Variants in OR10A4 observed in about 807,000 individuals in gnomAD.
OR10A4 encodes olfactory receptor family 10 subfamily A member 4.
Under a neutral mutation model 15.4 loss-of-function variants are expected in OR10A4, and 18 were observed. The ratio of observed to expected loss-of-function variants is 1.17; its 90% CI spans 0.81 to 1.74. OR10A4 has a LOEUF of 1.74. Among genes scored for constraint, OR10A4 ranks in the 40% most tolerant of loss-of-function variants. OR10A4 has a pLI of 0.00. For missense variants in OR10A4, 455 were observed against 372.3 expected (o/e 1.22, Z -1.83); for synonymous variants, 161 against 149.5 (o/e 1.08, Z -0.56).
rs1156251859 is a variant in OR10A4 at position 6,877,459 on chromosome 11, G to C, written c.812G>C (p.Ser271Thr). 1 of 1,614,066 alleles carries C rather than the reference G, an allele frequency of 6.2e-7. No homozygotes were observed. Among genetic ancestry groups the C allele is most frequent in the Non-Finnish European group, 8.5e-7 (1 of 1,179,972 alleles). Reference protein sequence around the residue: ...FRPQSSASSESKKLLSLSSTV... With the variant: ...FRPQSSASSETKKLLSLSSTV... ...CCCCAATCCAGTGCCTCTTCTGAGA[G>C]CAAGAAGCTGCTGTCACTCTCTTCC... Residue 271 changes from serine to threonine, a missense_variant, in exon 1 of 1, where the codon AGC (serine) becomes ACC (threonine). Transcript: ENST00000379829.
rs1216550137 is a variant in OR10A4, at chr11:6,876,857, G to C, written c.210G>C (p.Leu70=). 6.2e-7 allele frequency: 1 copy of C among 1,614,100 alleles called. No homozygotes were observed. ...TCTTCCTCAGAAACTTGTCCTTCCT[G>C]GAGATAGGTTTCAACTTGGTCATTG... ...MYFFLRNLSF[L]EIGFNLVIVP... The change falls in exon 1 of 1, where the codon CTG becomes CTC. Residue 70 remains leucine, a synonymous_variant. Transcript: ENST00000379829.
Position 6,877,297 on chromosome 11 carries a change from G to C in OR10A4, c.650G>C (p.Gly217Ala). The change falls in exon 1 of 1, where the codon GGA becomes GCA. Residue 217 changes from glycine (G) to alanine (A), a missense_variant. Physicochemically the swap from Gly to Ala is moderately conservative, Grantham distance 60. Transcript: ENST00000379829. ...FILFPFLLIL[G>A]SYVRILSTIF... Reference sequence around the variant, plus strand: ...CTCTTTCCTTTCTTGCTGATCCTGGGATCCTATGTCCGCATCCTCTCCACT... The same window carrying C: ...CTCTTTCCTTTCTTGCTGATCCTGGCATCCTATGTCCGCATCCTCTCCACT... 1 of 1,614,152 alleles carries C rather than the reference G, an allele frequency of 6.2e-7. No homozygotes were observed. Among genetic ancestry groups the C allele is most frequent in the Non-Finnish European group, 8.5e-7 (1 of 1,180,038 alleles).
Position 6,877,213 on chromosome 11 carries a change from T to A in OR10A4, c.566T>A (p.Val189Asp), listed in dbSNP as rs766805460. ...GACAGCCCTCCTGTTATTGCACTGG[T>A]CTGTGCTGACACCTCTGTGTTTGAA... ...FCDSPPVIAL[V>D]CADTSVFELE... Residue 189 changes from valine to aspartate, a missense_variant, in exon 1 of 1, where the codon GTC becomes GAC. Val to Asp is a radical substitution (Grantham distance 152, BLOSUM62 -3). Transcript: ENST00000379829. The A allele has an allele frequency of 6.2e-7, 1 of 1,614,226 alleles. No homozygotes were observed. Among genetic ancestry groups the A allele is most frequent in the Non-Finnish European group, 8.5e-7 (1 of 1,180,020 alleles).
In OR10A4 at chr11:6,877,020, G is replaced by A. The variant is rs146034622; in HGVS notation, c.373G>A (p.Val125Met). 3.0e-5 allele frequency: 49 copies of A among 1,614,042 alleles called. No homozygotes were observed. The highest frequency in any genetic ancestry group is 1.9e-4 in the African/African-American group (14 of 74,920). Reference sequence around the variant, plus strand: ...GGCCACCATGGCATATGACCGCTACGTGGCCATCTGTGACCCCTTGCACTA... The same window carrying A: ...GGCCACCATGGCATATGACCGCTACATGGCCATCTGTGACCCCTTGCACTA... ...LLATMAYDRYVAICDPLHYPV... is the reference protein window; with the variant it reads ...LLATMAYDRYMAICDPLHYPV... Residue 125 changes from valine (V) to methionine (M), a missense_variant, in exon 1 of 1, where the codon GTG (valine) becomes ATG (methionine). Coordinates refer to ENST00000379829, the MANE Select transcript of OR10A4 (RefSeq NM_207186.2).
In OR10A4 at chr11:6,877,008, T is replaced by G; in HGVS notation, c.361T>G (p.Tyr121Asp). The G allele has an allele frequency of 2.5e-6, 4 of 1,614,246 alleles. No individual in the cohort carries two copies. The Middle Eastern group carries it at 6.6e-4, about 266-fold the overall frequency. ...GTGCTGCCTCCTGGCCACCATGGCA[T>G]ATGACCGCTACGTGGCCATCTGTGA... is the stretch of plus-strand genomic sequence containing the variant. ...AECCLLATMA[Y>D]DRYVAICDPL... Residue 121 changes from tyrosine to aspartate, a missense_variant, in exon 1 of 1, where the codon TAT (tyrosine) becomes GAT (aspartate). By Grantham distance (160) the Tyr-to-Asp change is radical. Coordinates refer to ENST00000379829, the MANE Select transcript of OR10A4 (RefSeq NM_207186.2).
rs749295543 is a variant in OR10A4, at chr11:6,877,066, T to A, written c.419T>A (p.Ile140Lys). The A allele has an allele frequency of 6.2e-7, 1 of 1,614,222 alleles. No individual in the cohort carries two copies. Among genetic ancestry groups the A allele is most frequent in the Non-Finnish European group, 8.5e-7 (1 of 1,180,032 alleles). ...CACTACCCAGTCATCATGGGCCACA[T>A]ATCCTGTGCCCAGCTGGCAGCTGCC... The part of the protein sequence containing the change: ...PLHYPVIMGH[I>K]SCAQLAAASW... Residue 140 changes from isoleucine (I) to lysine (K), a missense_variant, in exon 1 of 1, where the codon ATA (isoleucine) becomes AAA (lysine). Transcript: ENST00000379829.
rs777478828 is a variant in OR10A4, at chr11:6,877,373, T to C, written c.726T>C (p.Cys242=). Residue 242 remains cysteine (C), a synonymous_variant, in exon 1 of 1, where the codon TGT becomes TGC. Coordinates refer to ENST00000379829, the MANE Select transcript of OR10A4 (RefSeq NM_207186.2). ...AEGKHQAFST[C]SAHLLVVSLF... Reference sequence around the variant, plus strand: ...GGAAACATCAGGCATTCTCCACCTGTTCCGCCCACCTCTTGGTTGTCTCTC... The same window carrying C: ...GGAAACATCAGGCATTCTCCACCTGCTCCGCCCACCTCTTGGTTGTCTCTC... The C allele has an allele frequency of 1.2e-6, 2 of 1,614,198 alleles. No homozygotes were observed. Among genetic ancestry groups the C allele is most frequent in the South Asian group, 1.1e-5 (1 of 91,086 alleles).
rs1260593148 is a variant in OR10A4, at chr11:6,876,789, C to T, written c.142C>T (p.Leu48=). ...VTLMGNVLII[L]VTIADSALQS... ...TTTAATGGGCAATGTCCTCATCATC[C>T]TGGTCACTATAGCTGACTCTGCACT... The change falls in exon 1 of 1, where the codon CTG becomes TTG. Residue 48 remains leucine, a synonymous_variant. Transcript: ENST00000379829. 1 of 1,614,058 alleles carries T rather than the reference C, an allele frequency of 6.2e-7. No individual in the cohort carries two copies. Among genetic ancestry groups the T allele is most frequent in the South Asian group, 1.1e-5 (1 of 91,080 alleles).
rs185904346 is a variant in OR10A4 at position 6,877,436 on chromosome 11, C to A, written c.789C>A (p.Pro263=). ...CTGCCATCCTCACGTATTTCCGACC[C>A]CAATCCAGTGCCTCTTCTGAGAGCA... ...YSTAILTYFR[P]QSSASSESKK... The change falls in exon 1 of 1, where the codon CCC becomes CCA. Residue 263 remains proline (P), a synonymous_variant. Coordinates refer to ENST00000379829, the MANE Select transcript of OR10A4 (RefSeq NM_207186.2). 7.9e-5 allele frequency: 128 copies of A among 1,614,128 alleles called. 1 individual carries two copies. The East Asian group carries it at 2.8e-3, about 35-fold the overall frequency.
At position 6,876,869 on chromosome 11, in the gene OR10A4, C is replaced by CA. The variant is rs1479205015; in HGVS notation, c.224dup (p.Asn75LysfsTer38). On this transcript the variant is annotated frameshift_variant, in exon 1 of 1. Transcript: ENST00000379829. LOFTEE classifies it high-confidence loss of function. ...ACTTGTCCTTCCTGGAGATAGGTTT[C>CA]AACTTGGTCATTGTGCCCAAGATGC... 4.3e-6 allele frequency: 7 copies of CA among 1,614,092 alleles called. No individual in the cohort carries two copies. Among genetic ancestry groups the CA allele is most frequent in the Non-Finnish European group, 5.9e-6 (7 of 1,180,034 alleles).
In OR10A4 at chr11:6,876,982, A is replaced by G. The variant is rs1158050791; in HGVS notation, c.335A>G (p.Glu112Gly). The stretch of plus-strand genomic sequence containing the variant: ...TTCTTCTTCTTTTTTGGGGCTGCTG[A>G]GTGCTGCCTCCTGGCCACCATGGCA... ...MYFFFFFGAA[E>G]CCLLATMAYD... Residue 112 changes from glutamate to glycine, a missense_variant, in exon 1 of 1, where the codon GAG becomes GGG. Coordinates refer to ENST00000379829, the MANE Select transcript of OR10A4 (RefSeq NM_207186.2). 6.2e-7 allele frequency: 1 copy of G among 1,614,002 alleles called. No homozygotes were observed. Among genetic ancestry groups the G allele is most frequent in the African/African-American group, 1.3e-5 (1 of 74,900 alleles).
chr11:6,877,383 C>CTCTT lies in OR10A4; in HGVS notation c.737_740dup (p.Leu247PhefsTer9). The stretch of plus-strand genomic sequence containing the variant: ...GGCATTCTCCACCTGTTCCGCCCAC[C>CTCTT]TCTTGGTTGTCTCTCTCTTCTATAG... On this transcript the variant is annotated frameshift_variant, in exon 1 of 1. Coordinates refer to ENST00000379829, the MANE Select transcript of OR10A4 (RefSeq NM_207186.2). LOFTEE classifies it high-confidence loss of function. 1 of 1,614,142 alleles carries CTCTT rather than the reference C, an allele frequency of 6.2e-7. No individual in the cohort carries two copies. Among genetic ancestry groups the CTCTT allele is most frequent in the Non-Finnish European group, 8.5e-7 (1 of 1,180,032 alleles).
At position 6,877,195 on chromosome 11, in the gene OR10A4, C is replaced by T; in HGVS notation, c.548C>T (p.Pro183Leu). The change falls in exon 1 of 1, where the codon CCT becomes CTT. Residue 183 changes from proline (P) to leucine (L), a missense_variant. By Grantham distance (98) the Pro-to-Leu change is moderately conservative. Transcript: ENST00000379829. ...NRVNHFFCDSPPVIALVCADT... is the reference protein window; with the variant it reads ...NRVNHFFCDSLPVIALVCADT... Reference sequence around the variant, plus strand: ...GTGAACCACTTCTTCTGTGACAGCCCTCCTGTTATTGCACTGGTCTGTGCT... The same window carrying T: ...GTGAACCACTTCTTCTGTGACAGCCTTCCTGTTATTGCACTGGTCTGTGCT... 3 of 1,614,214 alleles carry T rather than the reference C, an allele frequency of 1.9e-6. No homozygotes were observed. Among genetic ancestry groups the T allele is most frequent in the East Asian group, 2.2e-5 (1 of 44,894 alleles).
Position 6,877,551 on chromosome 11 carries a change from C to G in OR10A4, c.904C>G (p.Leu302Val). The change falls in exon 1 of 1, where the codon CTG (leucine) becomes GTG (valine). Residue 302 changes from leucine to valine, a missense_variant. Transcript: ENST00000379829. Reference sequence around the variant, plus strand: ...AAGGAATAAAGAAGTGAAGGCTGCACTGAAGCGGCTTATCCACAGGACCCT... The same window carrying G: ...AAGGAATAAAGAAGTGAAGGCTGCAGTGAAGCGGCTTATCCACAGGACCCT... ...SSRNKEVKAA[L>V]KRLIHRTLGS... is the part of the protein sequence containing the mutation. 2 of 1,614,092 alleles carry G rather than the reference C, an allele frequency of 1.2e-6. No homozygotes were observed. Among genetic ancestry groups the G allele is most frequent in the Middle Eastern group, 1.7e-4 (1 of 6,060 alleles).
rs1360674108 is a variant in OR10A4, at chr11:6,876,746, G to C, written c.99G>C (p.Leu33Phe). 1.2e-6 allele frequency: 2 copies of C among 1,614,012 alleles called. No homozygotes were observed. Among genetic ancestry groups the C allele is most frequent in the Non-Finnish European group, 8.5e-7 (1 of 1,179,930 alleles). The change falls in exon 1 of 1, where the codon TTG (leucine) becomes TTC (phenylalanine). Residue 33 changes from leucine (L) to phenylalanine (F), a missense_variant. Physicochemically the swap from Leu to Phe is conservative, Grantham distance 22 (BLOSUM62 0). Transcript: ENST00000379829. Reference sequence around the variant, plus strand: ...AGGCTCTACTGTTTCTCCTTTTCTTGACCATTTACTTGGTTACTTTAATGG... The same window carrying C: ...AGGCTCTACTGTTTCTCCTTTTCTTCACCATTTACTTGGTTACTTTAATGG... ...ELQALLFLLF[L>F]TIYLVTLMGN...
chr11:6,877,081 T>C lies in OR10A4; in HGVS notation c.434T>C (p.Leu145Pro), dbSNP rs910067898. Residue 145 changes from leucine to proline, a missense_variant, in exon 1 of 1, where the codon CTG becomes CCG. Leu to Pro is a moderately conservative substitution (Grantham distance 98). Coordinates refer to ENST00000379829, the MANE Select transcript of OR10A4 (RefSeq NM_207186.2). ...VIMGHISCAQ[L>P]AAASWFSGFS... ...ATGGGCCACATATCCTGTGCCCAGC[T>C]GGCAGCTGCCTCTTGGTTCTCAGGG... 14 of 1,614,120 alleles carry C rather than the reference T, an allele frequency of 8.7e-6. No individual in the cohort carries two copies. In the African/African-American group the frequency reaches 1.3e-4, roughly 15 times the overall value.
chr11:6,876,729 C>G lies in OR10A4; in HGVS notation c.82C>G (p.Leu28Val). 6.2e-7 allele frequency: 1 copy of G among 1,614,120 alleles called. No homozygotes were observed. Among genetic ancestry groups the G allele is most frequent in the Non-Finnish European group, 8.5e-7 (1 of 1,179,956 alleles). ...CCTGTCCACTGAGCTTCAGGCTCTA[C>G]TGTTTCTCCTTTTCTTGACCATTTA... is the stretch of plus-strand genomic sequence containing the variant. ...SALSTELQAL[L>V]FLLFLTIYLV... The change falls in exon 1 of 1, where the codon CTG becomes GTG. Residue 28 changes from leucine to valine, a missense_variant. By Grantham distance (32) the Leu-to-Val change is conservative. Transcript: ENST00000379829.
In OR10A4 at chr11:6,877,287, C is replaced by G; in HGVS notation, c.640C>G (p.Leu214Val). Reference protein sequence around the residue: ...TVLFILFPFLLILGSYVRILS... With the variant: ...TVLFILFPFLVILGSYVRILS... ...CCTATTCATTCTCTTTCCTTTCTTG[C>G]TGATCCTGGGATCCTATGTCCGCAT... Residue 214 changes from leucine (L) to valine (V), a missense_variant, in exon 1 of 1, where the codon CTG becomes GTG. Coordinates refer to ENST00000379829, the MANE Select transcript of OR10A4 (RefSeq NM_207186.2). 1 of 1,614,228 alleles carries G rather than the reference C, an allele frequency of 6.2e-7. No homozygotes were observed. Among genetic ancestry groups the G allele is most frequent in the Non-Finnish European group, 8.5e-7 (1 of 1,180,040 alleles).
chr11:6,877,500 AT>A lies in OR10A4; in HGVS notation c.854del (p.Met285SerfsTer2), dbSNP rs1300242835. 1.2e-6 allele frequency: 2 copies of A among 1,614,026 alleles called. No individual in the cohort carries two copies. The highest frequency in any genetic ancestry group is 1.1e-5 in the South Asian group (1 of 91,088). On this transcript the variant is annotated frameshift_variant, in exon 1 of 1. Coordinates refer to ENST00000379829, the MANE Select transcript of OR10A4 (RefSeq NM_207186.2). LOFTEE classifies it high-confidence loss of function. ...ACTCTCTTCCACAGTGGTGACTCCC[AT>A]GTTGAACCCCATCATCTACAGCTCA... ...LSLSSTVVTPMLNPIIYSSRN... is the reference protein window; with the variant it reads ...LSLSSTVVTPXLNPIIYSSRN...
Sources: allele counts gnomAD v4.1 joint callset, GRCh38; gene constraint gnomAD v4.1.1; transcripts MANE v1.5; gene names NCBI Gene and HGNC (gene_info 2026-07-23, HGNC 2026-07-21).